ENTREP2: variants seen among roughly 807,000 people sequenced by gnomAD.
ENTREP2 encodes the protein protein ENTREP2.
chr15:29,165,759 C>G, the ENTREP2 span, among the ~76,000 whole-genome samples: 1 of 152,060 alleles, frequency 6.6e-6, no homozygotes. Context: ...GAATTGGTAC[C>G]AATCCTTTTG....
At chr15:29,437,463 C>T in the ENTREP2 span, among the ~76,000 whole-genome samples, 1 of 152,190 alleles carries the variant, frequency 6.6e-6, no homozygotes, top group Non-Finnish European at 1.5e-5. Context: ...TTAAAAGTAA[C>T]AGAACACTTC....
chr15:29,158,452 C>A, the ENTREP2 span, among the ~76,000 whole-genome samples: 1 of 144,544 alleles, frequency 6.9e-6, no homozygotes, highest in Non-Finnish European at 1.5e-5. Flanking sequence ...TTCGCCCAGG[C>A]TGGAGTGCAG....
At chr15:29,168,944 G>T in the ENTREP2 span, among the ~76,000 whole-genome samples, 1 of 152,200 alleles carries the variant, frequency 6.6e-6, no homozygotes, top group African/African-American at 2.4e-5. Flanking sequence ...GTGGATGGCT[G>T]TAAATTGCCT....
At chr15:29,187,264 T>TC in the ENTREP2 span, among the ~76,000 whole-genome samples, 2 of 151,882 alleles carry the variant, frequency 1.3e-5, no homozygotes, top group African/African-American at 2.4e-5. Context: ...CTGTTTTTCT[T>TC]TCTTTCTTTT....
At chr15:29,584,941 G>A in the ENTREP2 span, among the ~76,000 whole-genome samples, 1 of 151,798 alleles carries the variant, frequency 6.6e-6, no homozygotes, top group Non-Finnish European at 1.5e-5. Context: ...ATACAATTTT[G>A]TCAATTATAC....
chr15:29,473,735 G>T, the ENTREP2 span, among the ~76,000 whole-genome samples: 1 of 152,200 alleles, frequency 6.6e-6, no homozygotes. Flanking sequence ...GGGACCATTG[G>T]ACACCGGCTG....
At chr15:29,356,234 A>G in the ENTREP2 span, among the ~76,000 whole-genome samples, 73 of 143,874 alleles carry the variant, frequency 5.1e-4, 3 homozygotes, top group African/African-American at 1.8e-3. Flanking sequence ...CTAGAAGTGA[A>G]GAAGATATGA....
At chr15:29,367,035 G>GA in the ENTREP2 span, among the ~76,000 whole-genome samples, 1 of 152,260 alleles carries the variant, frequency 6.6e-6, no homozygotes, top group East Asian at 1.9e-4. Context: ...TCCATAAGAG[G>GA]AAAAAATAAC....
chr15:29,386,982 C>G, the ENTREP2 span, among the ~76,000 whole-genome samples: 11 of 152,128 alleles, frequency 7.2e-5, no homozygotes, highest in Non-Finnish European at 1.6e-4. Flanking sequence ...TAATTGAATA[C>G]CCTTTATTTC....
the ENTREP2 span, among the ~76,000 whole-genome samples, chr15:29,379,154 C>T: frequency 6.6e-6 from 1 of 152,218 alleles, no homozygotes; most frequent in African/African-American, 2.4e-5. Context: ...CTAGATGGGC[C>T]TCATGACAGG....
chr15:29,471,264 T>C, the ENTREP2 span, among the ~76,000 whole-genome samples: 66 of 152,136 alleles, frequency 4.3e-4, no homozygotes, highest in African/African-American at 1.5e-3. Context: ...TCACTAAGAG[T>C]AAAAACGTTT....
the ENTREP2 span, among the ~76,000 whole-genome samples, chr15:29,129,522 G>A: frequency 1.3e-5 from 2 of 151,354 alleles, no homozygotes; most frequent in Non-Finnish European, 2.9e-5. Flanking sequence ...TCGCTCCATG[G>A]CCCAGGCTGG....
the ENTREP2 span, among the ~76,000 whole-genome samples, chr15:29,372,798 T>C: frequency 6.6e-6 from 1 of 151,988 alleles, no homozygotes; most frequent in Admixed American, 6.6e-5. Flanking sequence ...TTACACAAAA[T>C]AAAGATTAAC....
the ENTREP2 span, among the ~76,000 whole-genome samples, chr15:29,174,697 C>CAAA: frequency 1.9e-5 from 2 of 106,052 alleles, no homozygotes; most frequent in African/African-American, 1.1e-4. Flanking sequence ...CTAAACAAAA[C>CAAA]AAAACAAAAC....
the ENTREP2 span, among the ~76,000 whole-genome samples, chr15:29,324,985 A>G: frequency 9.9e-3 from 1,502 of 152,334 alleles, 13 homozygotes; most frequent in Non-Finnish European, 0.017. Flanking sequence ...GAAATCATAC[A>G]AAGTATGCTC....
chr15:29,453,147 C>T, the ENTREP2 span, among the ~76,000 whole-genome samples: 1 of 152,222 alleles, frequency 6.6e-6, no homozygotes, highest in Non-Finnish European at 1.5e-5. Context: ...GCCAATGCCA[C>T]ACCACAGTCA....
At chr15:29,446,073 G>A in the ENTREP2 span, among the ~76,000 whole-genome samples, 1 of 152,190 alleles carries the variant, frequency 6.6e-6, no homozygotes, top group Non-Finnish European at 1.5e-5. Flanking sequence ...TTAAGAGGCC[G>A]AAGAGAGCTA....
the ENTREP2 span, among the ~76,000 whole-genome samples, chr15:29,560,867 A>T: frequency 6.6e-6 from 1 of 151,212 alleles, no homozygotes; most frequent in Non-Finnish European, 1.5e-5. Context: ...ACCAGAGGTC[A>T]ACAAACTATG....
At chr15:29,241,844 G>A in the ENTREP2 span, among the ~76,000 whole-genome samples, 9 of 147,668 alleles carry the variant, frequency 6.1e-5, no homozygotes, top group Non-Finnish European at 1.3e-4. Context: ...ACTAGCCTAT[G>A]CAATACAGTG....
Sources: gnomAD v4.1 joint callset for allele counts (sites outside exome capture counted in the v4.1 genomes callset) on GRCh38, gnomAD v4.1.1 for gene constraint, MANE v1.5 for transcripts, NCBI Gene and HGNC (gene_info 2026-07-23, HGNC 2026-07-21) for gene names.